ATP2C2: variants seen among roughly 807,000 people sequenced by gnomAD.
ATP2C2 encodes ATPase secretory pathway Ca2+ transporting 2.
Under a neutral mutation model 110.8 loss-of-function variants are expected in ATP2C2, and 171 were observed. That is an observed-to-expected ratio of 1.54 (90% CI 1.36 to 1.75). ATP2C2 has a LOEUF of 1.75. ATP2C2 is among the 40% of genes most tolerant of loss of function. The pLI, the probability that ATP2C2 is intolerant of heterozygous loss-of-function variation, is 0.00. For missense variants in ATP2C2, 1,963 were observed against 1,235.0 expected, an observed-to-expected ratio of 1.59 and a Z score of -8.84; for synonymous variants, 804 against 508.4, an observed-to-expected ratio of 1.58 and a Z score of -7.82.
chr16:84,446,857 G>T (rs1348972409), intron 16 of ATP2C2, among the ~76,000 whole-genome samples: 1 of 152,110 alleles, frequency 6.6e-6, no homozygotes, highest in South Asian at 2.1e-4. Context: ...CAACTTGCCA[G>T]TCCTCTCTTT....
intron 15 of ATP2C2, among the ~76,000 whole-genome samples, chr16:84,443,429 T>C (rs1909451790): frequency 1.3e-5 from 2 of 152,072 alleles, no homozygotes; most frequent in South Asian, 4.1e-4. Flanking sequence ...TCGGGTGTGA[T>C]CAGAACCCTC....
At chr16:84,448,796 G>A in intron 17 of ATP2C2, 107 bp downstream of exon 17, 1 of 1,447,316 alleles carries the variant, frequency 6.9e-7, no homozygotes, top group Admixed American at 2.3e-5. Context: ...GTCCCAAGGA[G>A]TCAGGCAGCA....
intron 1 of ATP2C2, among the ~76,000 whole-genome samples, chr16:84,386,979 T>C (rs1176215626): frequency 6.6e-6 from 1 of 152,200 alleles, no homozygotes; most frequent in East Asian, 1.9e-4. Flanking sequence ...TCTTTTGCAA[T>C]GTTCTTCCCC....
intron 2 of ATP2C2, chr16:84,404,913 C>T (rs139599059): frequency 1.7e-6 from 1 of 600,812 alleles, no homozygotes; most frequent in African/African-American, 1.9e-5. Context: ...GTCGTCTTTT[C>T]TGCTGTAATT....
intron 1 of ATP2C2, among the ~76,000 whole-genome samples, chr16:84,389,209 C>G (rs11863271): frequency 6.6e-6 from 1 of 152,114 alleles, no homozygotes; most frequent in Non-Finnish European, 1.5e-5. Flanking sequence ...TTTTCTTGTT[C>G]TTCTCAGCAC....
chr16:84,382,296 C>T (rs1039977486), intron 1 of ATP2C2, among the ~76,000 whole-genome samples: 2 of 152,324 alleles, frequency 1.3e-5, no homozygotes, highest in South Asian at 2.1e-4. Context: ...TCATCCATGT[C>T]CCTGCAAAGG....
intron 7 of ATP2C2, among the ~76,000 whole-genome samples, chr16:84,418,430 C>A (rs1167601388): frequency 6.6e-6 from 1 of 152,176 alleles, no homozygotes; most frequent in East Asian, 1.9e-4. Flanking sequence ...CCTTCTTGGT[C>A]CGGAGGTGCC....
At chr16:84,391,679 C>T (rs75022625) in intron 1 of ATP2C2, among the ~76,000 whole-genome samples, 37 of 152,320 alleles carry the variant, frequency 2.4e-4, no homozygotes, top group Non-Finnish European at 2.9e-4. Context: ...ATCTTGCCTG[C>T]AGGGTTCAAT....
chr16:84,423,096 A>T, intron 9 of ATP2C2, 92 bp from the exon 10 acceptor site: 1 of 1,070,106 alleles, frequency 9.3e-7, no homozygotes, highest in Non-Finnish European at 1.4e-6. Flanking sequence ...ATCATCACTG[A>T]AGCTGTAGGA....
At chr16:84,453,070 G>T in intron 18 of ATP2C2, 68 bp from the exon 19 acceptor site, 1 of 1,487,674 alleles carries the variant, frequency 6.7e-7, no homozygotes, top group Non-Finnish European at 9.2e-7. Flanking sequence ...CATGGCCGAG[G>T]TGGGGCCGGG....
intron 6 of ATP2C2, among the ~76,000 whole-genome samples, chr16:84,414,546 C>T (rs891759181): frequency 1.3e-5 from 2 of 152,190 alleles, no homozygotes; most frequent in South Asian, 2.1e-4. Flanking sequence ...TCATGTCTCT[C>T]GGGCCAGTGT....
chr16:84,386,529 C>T (rs1372662221), intron 1 of ATP2C2, among the ~76,000 whole-genome samples: 1 of 152,212 alleles, frequency 6.6e-6, no homozygotes, highest in Non-Finnish European at 1.5e-5. Flanking sequence ...GGCCCGAATG[C>T]ACTGGCCACC....
At chr16:84,437,172 A>C (rs1343971489) in intron 11 of ATP2C2, among the ~76,000 whole-genome samples, 1 of 152,176 alleles carries the variant, frequency 6.6e-6, no homozygotes, top group Non-Finnish European at 1.5e-5. Flanking sequence ...CACAGCCGTC[A>C]CCACAGTCCA....
chr16:84,386,631 C>G (rs146945228), intron 1 of ATP2C2, among the ~76,000 whole-genome samples: 1 of 152,310 alleles, frequency 6.6e-6, no homozygotes, highest in African/African-American at 2.4e-5. Flanking sequence ...TATGCACACA[C>G]AGACGCACAC....
intron 7 of ATP2C2, among the ~76,000 whole-genome samples, chr16:84,417,757 C>A (rs549926586): frequency 6.6e-6 from 1 of 152,278 alleles, no homozygotes; most frequent in South Asian, 2.1e-4. Flanking sequence ...GTATTGATAC[C>A]ACGAAGGTTA....
Position 84,386,902 on chromosome 16 carries a change from TTTTG to T in ATP2C2, c.100-11577_100-11574del, listed in dbSNP as rs201980683. Among the ~76,000 whole-genome samples, 211 of 139,532 alleles carry T rather than the reference TTTTG, an allele frequency of 1.5e-3. 1 individual carries two copies. Among genetic ancestry groups the T allele is most frequent in the African/African-American group, 5.1e-3 (194 of 37,724 alleles). 91.5% of individuals were successfully genotyped at this position (139,532 alleles called of 152,430 possible). A position where few individuals can be genotyped will look rare whatever the true frequency, so the allele number is the denominator to read the frequency against. On this transcript the variant is annotated intron_variant, in intron 1 of 26. Coordinates refer to ENST00000262429, the MANE Select transcript of ATP2C2 (RefSeq NM_014861.4). ...CTACCCTGTTGGCTGCATTTAGGGT[TTTTG>T]TTTGTTTGTTTGTTTGTTTTGGTCC...
Position 84,398,357 on chromosome 16 carries a change from G to C in ATP2C2, c.100-142G>C, listed in dbSNP as rs1228697123. On this transcript the variant is annotated intron_variant, in intron 1 of 26. Transcript: ENST00000262429. ...GTAAGTGGAGGTTGTGGTGAGCTGAGATCATGACACTGCACTCCAGCCTGG... is the reference window on the plus strand; with the variant it reads ...GTAAGTGGAGGTTGTGGTGAGCTGACATCATGACACTGCACTCCAGCCTGG... The C allele has an allele frequency of 7.3e-6, 3 of 409,714 alleles. No homozygotes were observed. The East Asian group carries it at 1.3e-4, about 17-fold the overall frequency. 25.4% of individuals were successfully genotyped at this position (409,714 alleles called of 1,614,324 possible).
chr16:84,436,763 G>GCTT (rs1908774248), intron 11 of ATP2C2, among the ~76,000 whole-genome samples: 2 of 124,108 alleles, frequency 1.6e-5, no homozygotes, highest in Non-Finnish European at 3.2e-5. Flanking sequence ...AGCGAAGGCT[G>GCTT]TTTTTTTTTT....
rs753276261 is a variant in ATP2C2, at chr16:84,459,153, C to G, written c.2181C>G (p.Tyr727Ter). Residue 727 changes from tyrosine (Y) to a stop codon, truncating the protein, a stop_gained, in exon 22 of 27, where the codon TAC (tyrosine) becomes TAG (stop). Transcript: ENST00000262429. LOFTEE classifies it high-confidence loss of function. ...TGGAGGAAGGCAAGGGTATTTTTTA[C>G]AACATCAAAAACTTTGTCCGATTCC... The part of the protein sequence containing the change: ...NAVEEGKGIF[Y>*]NIKNFVRFQL... 1.2e-6 allele frequency: 2 copies of G among 1,614,146 alleles called. No homozygotes were observed. The highest frequency in any genetic ancestry group is 2.2e-5 in the East Asian group (1 of 44,882).
Sources: allele counts gnomAD v4.1 joint callset (sites outside exome capture counted in the v4.1 genomes callset), GRCh38; gene constraint gnomAD v4.1.1; transcripts MANE v1.5; gene names NCBI Gene and HGNC (gene_info 2026-07-23, HGNC 2026-07-21).